DOCK1: variants seen among roughly 807,000 people sequenced by gnomAD.
DOCK1 encodes dedicator of cytokinesis protein 1.
A neutral mutation model predicts 262.7 loss-of-function variants in DOCK1; 138 were observed. The ratio of observed to expected loss-of-function variants is 0.53; its 90% confidence interval spans 0.46 to 0.61. The LOEUF is 0.61. Among genes scored for constraint, DOCK1 ranks in the 20% least tolerant of loss-of-function variants. DOCK1 has a pLI of 0.00. For synonymous variants in DOCK1, 866 were observed against 867.4 expected, an observed-to-expected ratio of 1.00 and a Z score of 0.03; for missense variants, 1,908 against 2,370.7, an observed-to-expected ratio of 0.80 and a Z score of 4.05.
intron 29 of DOCK1, among the ~76,000 whole-genome samples, chr10:127,260,878 T>TGCGTGGGTGTGC (rs2060024423): frequency 6.8e-6 from 1 of 146,970 alleles, no homozygotes; most frequent in Non-Finnish European, 1.5e-5. Flanking sequence ...TGCATGTGTG[T>TGCGTGGGTGTGC]GTGTGTGTAC....
intron 15 of DOCK1, among the ~76,000 whole-genome samples, chr10:127,025,707 C>T (rs974490934): frequency 3.9e-5 from 6 of 152,026 alleles, no homozygotes; most frequent in African/African-American, 1.4e-4. Context: ...TCCTCGGCCT[C>T]CCAGACTGCT....
chr10:126,935,086 T>C (rs1217587816), intron 1 of DOCK1, among the ~76,000 whole-genome samples: 3 of 152,174 alleles, frequency 2.0e-5, no homozygotes, highest in Non-Finnish European at 2.9e-5. Flanking sequence ...CCAGCCTGGG[T>C]GACAGAGCGA....
intron 27 of DOCK1, among the ~76,000 whole-genome samples, chr10:127,203,473 G>A (rs966672561): frequency 6.6e-6 from 1 of 152,070 alleles, no homozygotes; most frequent in African/African-American, 2.4e-5. Context: ...ATTTCGCAGC[G>A]TGGCTCATGG....
intron 1 of DOCK1, among the ~76,000 whole-genome samples, chr10:126,923,333 C>T (rs550264958): frequency 6.6e-6 from 1 of 152,044 alleles, no homozygotes; most frequent in East Asian, 2.0e-4. Context: ...ATGTAAAAAA[C>T]TTAGGCATGG....
intron 51 of DOCK1, among the ~76,000 whole-genome samples, chr10:127,448,212 C>A (rs544462364): frequency 6.6e-6 from 1 of 152,190 alleles, no homozygotes; most frequent in African/African-American, 2.4e-5. Context: ...TAAGCCTAAG[C>A]AACCTGCTGG....
At chr10:127,200,276 CCCAA>C (rs2057392867) in intron 27 of DOCK1, among the ~76,000 whole-genome samples, 1 of 152,110 alleles carries the variant, frequency 6.6e-6, no homozygotes, top group South Asian at 2.1e-4. Flanking sequence ...GTGGGACATT[CCCAA>C]AAGTAAGAGG....
chr10:127,154,776 TA>T (rs2052875076), intron 27 of DOCK1, among the ~76,000 whole-genome samples: 1 of 152,186 alleles, frequency 6.6e-6, no homozygotes, highest in Admixed American at 6.5e-5. Context: ...AAAAAATTAA[TA>T]ATAATGATCT....
chr10:127,389,429 A>G lies in DOCK1; in HGVS notation c.3927+4520A>G, dbSNP rs2066337769. ...CCCAGGGCACACCTTTCCACACTCCATTCCCAGACTGTAATTATCTTGGGG... is the reference window on the plus strand; with the variant it reads ...CCCAGGGCACACCTTTCCACACTCCGTTCCCAGACTGTAATTATCTTGGGG... On this transcript the variant is annotated intron_variant, in intron 38 of 51. Coordinates refer to ENST00000623213, the MANE Select transcript of DOCK1 (RefSeq NM_001290223.2). 2.6e-5 allele frequency among the ~76,000 whole-genome samples: 4 copies of G among 152,212 alleles called. No homozygotes were observed. The South Asian group carries it at 6.2e-4, about 24-fold the overall frequency.
chr10:127,439,253 T>A (rs1338381316), intron 49 of DOCK1, 28 bp downstream of exon 49: 1 of 1,587,582 alleles, frequency 6.3e-7, no homozygotes, highest in Non-Finnish European at 8.6e-7. Context: ...CTTTCCTCGC[T>A]CTGCGGTAGC....
At chr10:127,114,759 CTTTT>C (rs57979480) in intron 25 of DOCK1, among the ~76,000 whole-genome samples, 8 of 108,296 alleles carry the variant, frequency 7.4e-5, no homozygotes, top group Admixed American at 9.6e-5. Flanking sequence ...TTTTTTCTTT[CTTTT>C]TTTTTTTTTT....
chr10:127,362,037 C>G, intron 32 of DOCK1, 27 bp from the exon 33 acceptor site: 1 of 1,580,530 alleles, frequency 6.3e-7, no homozygotes, highest in Non-Finnish European at 8.6e-7. Context: ...TTCTTTATTT[C>G]TGAATATTGT....
At chr10:127,232,125 C>T (rs1442363035) in intron 27 of DOCK1, among the ~76,000 whole-genome samples, 1 of 150,494 alleles carries the variant, frequency 6.6e-6, no homozygotes, top group African/African-American at 2.4e-5. Context: ...AGGTAGAGTA[C>T]AATCCTGAAG....
chr10:127,132,255 T>C (rs117540701), intron 27 of DOCK1, among the ~76,000 whole-genome samples: 4 of 152,326 alleles, frequency 2.6e-5, no homozygotes, highest in East Asian at 3.9e-4. Flanking sequence ...AAATGGGTGA[T>C]TGGAATGCGT....
Position 127,451,592 on chromosome 10 carries a change from G to T in DOCK1, c.*165G>T. 1 of 1,457,194 alleles carries T rather than the reference G, an allele frequency of 6.9e-7. No homozygotes were observed. 90.3% of individuals were successfully genotyped at this position (1,457,194 alleles called of 1,614,324 possible). ...TTCAGTTCTCACCATGGAGTGAGTG[G>T]CCTTTAGCGTCATGGAGCAAGGTGG... On this transcript the variant is annotated 3_prime_UTR_variant, in exon 52 of 52. Transcript: ENST00000623213.
At chr10:127,409,604 C>T (rs552148535) in intron 42 of DOCK1, among the ~76,000 whole-genome samples, 2 of 152,298 alleles carry the variant, frequency 1.3e-5, no homozygotes, top group East Asian at 3.9e-4. Flanking sequence ...TGGGAGCGTG[C>T]AAAGCCTATT....
chr10:126,958,815 T>G (rs1468997791), intron 1 of DOCK1, among the ~76,000 whole-genome samples: 1 of 152,154 alleles, frequency 6.6e-6, no homozygotes, highest in Non-Finnish European at 1.5e-5. Context: ...AGTGTTTTTG[T>G]GTCAAAAAGA....
intron 47 of DOCK1, among the ~76,000 whole-genome samples, chr10:127,427,260 C>T (rs563283502): frequency 4.5e-4 from 68 of 152,178 alleles, no homozygotes; most frequent in Non-Finnish European, 2.6e-4. Context: ...CTGCTTCTCC[C>T]AGGTAACATA....
intron 23 of DOCK1, among the ~76,000 whole-genome samples, chr10:127,074,756 G>A (rs1336942381): frequency 1.3e-5 from 2 of 152,134 alleles, no homozygotes; most frequent in African/African-American, 4.8e-5. Flanking sequence ...ATTTGATTAG[G>A]TGAAACGTGA....
chr10:127,031,734 AC>A lies in DOCK1; in HGVS notation c.1710del (p.His570GlnfsTer20). 6.2e-7 allele frequency: 1 copy of A among 1,613,274 alleles called. No individual in the cohort carries two copies. On this transcript the variant is annotated frameshift_variant, in exon 17 of 52. Transcript: ENST00000623213. LOFTEE classifies it high-confidence loss of function. The part of the protein sequence containing the change: ...YDGTTLRDGE[H>X]DLIVYKAEAK... ...GGTACCACCCTGCGAGACGGAGAGCACGATCTTATCGTCTATAAGGTATCTG... is the reference window on the plus strand; with the variant it reads ...GGTACCACCCTGCGAGACGGAGAGCAGATCTTATCGTCTATAAGGTATCTG...
Sources: gnomAD v4.1 joint callset for allele counts (sites outside exome capture counted in the v4.1 genomes callset) on GRCh38, gnomAD v4.1.1 for gene constraint, MANE v1.5 for transcripts, NCBI Gene and HGNC (gene_info 2026-07-23, HGNC 2026-07-21) for gene names.